The following SORCS2 variants were observed in gnomAD, a reference collection of about 807,000 sequenced individuals.
SORCS2 encodes VPS10 domain-containing receptor SorCS2.
Under a neutral mutation model 141.6 loss-of-function variants are expected in SORCS2, and 100 were observed. The observed-to-expected ratio is 0.71, with a 90% CI of 0.60 to 0.83. The LOEUF (loss-of-function observed/expected upper bound fraction) is 0.83. SORCS2 is among the 40% of genes least tolerant of loss of function. The probability of loss-of-function intolerance (pLI) is 0.00; values close to 1 mark genes in which losing one functional copy is unlikely to be tolerated. For missense variants in SORCS2, 1,646 were observed against 1,560.2 expected, an observed-to-expected ratio of 1.05 and a Z score of -0.93; for synonymous variants, 789 against 676.9, an observed-to-expected ratio of 1.17 and a Z score of -2.57.
Position 7,633,910 on chromosome 4 carries a change from A to T in SORCS2, c.649-4418A>T, listed in dbSNP as rs763694484. Reference sequence around the variant, plus strand: ...AGTTGCGTCGTAAGAACGTTTGAAAAACTGTATCATGGAAAAAGTGCTTTA... The same window carrying T: ...AGTTGCGTCGTAAGAACGTTTGAAATACTGTATCATGGAAAAAGTGCTTTA... On this transcript the variant is annotated intron_variant, in intron 3 of 26. Coordinates refer to ENST00000507866, the MANE Select transcript of SORCS2 (RefSeq NM_020777.3). Among the ~76,000 whole-genome samples, 7 of 121,112 alleles carry T rather than the reference A, an allele frequency of 5.8e-5. 1 individual carries two copies. The highest frequency in any genetic ancestry group is 1.3e-4 in the Non-Finnish European group (7 of 52,544). 79.5% of individuals were successfully genotyped at this position (121,112 alleles called of 152,430 possible).
At chr4:7,493,618 G>A (rs1487826853) in intron 2 of SORCS2, among the ~76,000 whole-genome samples, 1 of 152,158 alleles carries the variant, frequency 6.6e-6, no homozygotes, top group African/African-American at 2.4e-5. Flanking sequence ...TTACCGGCTG[G>A]CTACCCTGCT....
intron 1 of SORCS2, among the ~76,000 whole-genome samples, chr4:7,355,048 CA>C (rs1721165798): frequency 6.6e-6 from 1 of 152,102 alleles, no homozygotes; most frequent in African/African-American, 2.4e-5. Flanking sequence ...ATTTTACTGA[CA>C]ACACCCAATC....
chr4:7,214,981 C>T (rs974288097), intron 1 of SORCS2, among the ~76,000 whole-genome samples: 1 of 151,924 alleles, frequency 6.6e-6, no homozygotes, highest in South Asian at 2.1e-4. Flanking sequence ...TCCTCACGGC[C>T]CTCGCTTGCT....
chr4:7,610,452 C>T (rs2108808377), intron 3 of SORCS2, among the ~76,000 whole-genome samples: 1 of 152,328 alleles, frequency 6.6e-6, no homozygotes. Context: ...CAGGGGAGCT[C>T]TGCACGAGGC....
intron 1 of SORCS2, among the ~76,000 whole-genome samples, chr4:7,381,218 C>T (rs780752242): frequency 5.9e-5 from 9 of 152,106 alleles, no homozygotes; most frequent in Admixed American, 1.3e-4. Flanking sequence ...GCTGTTTGGT[C>T]GATGACATGA....
chr4:7,722,500 C>A (rs1297187134), intron 18 of SORCS2, among the ~76,000 whole-genome samples: 1 of 152,204 alleles, frequency 6.6e-6, no homozygotes, highest in Non-Finnish European at 1.5e-5. Flanking sequence ...TCCATTTGCA[C>A]CTCCTCCAGC....
intron 2 of SORCS2, among the ~76,000 whole-genome samples, chr4:7,492,671 C>A (rs1392213692): frequency 6.6e-6 from 1 of 152,214 alleles, no homozygotes; most frequent in Non-Finnish European, 1.5e-5. Context: ...ATGAATGAGT[C>A]CTTCCCCAGC....
chr4:7,519,206 A>C (rs11730089), intron 2 of SORCS2, among the ~76,000 whole-genome samples: 151,783 of 152,314 alleles, frequency 1, 75,629 homozygotes, highest in Non-Finnish European at 1. Context: ...ATGACCAGGG[A>C]GCTTCCAGGA....
intron 11 of SORCS2, among the ~76,000 whole-genome samples, chr4:7,692,100 G>A (rs1724295155): frequency 6.6e-6 from 1 of 152,130 alleles, no homozygotes; most frequent in African/African-American, 2.4e-5. Context: ...ATGCAAGGTG[G>A]GCCAATTGAT....
rs71173499 is a variant in SORCS2, at chr4:7,400,461, C to CCCACCACCA, written c.548+4126_548+4134dup. 1.2e-3 allele frequency among the ~76,000 whole-genome samples: 188 copies of CCCACCACCA among 151,338 alleles called. 1 individual carries two copies. The highest frequency in any genetic ancestry group is 4.3e-3 in the African/African-American group (178 of 41,158). On this transcript the variant is annotated intron_variant, in intron 2 of 26. Transcript: ENST00000507866. ...GTGGGAGTTCCTGTTTATGGTTTGC[C>CCCACCACCA]CCACCACCACCACCACCACCACCAC... is the stretch of plus-strand genomic sequence containing the variant.
At chr4:7,285,231 C>T (rs1716137282) in intron 1 of SORCS2, among the ~76,000 whole-genome samples, 1 of 152,096 alleles carries the variant, frequency 6.6e-6, no homozygotes, top group South Asian at 2.1e-4. Flanking sequence ...TGAGGTTTCA[C>T]CATGTTGGTC....
chr4:7,413,391 C>CTTTTTTTTTTTTTTTTTTTTTTTTTT lies in SORCS2; in HGVS notation c.548+17056_548+17057insTTTTTTTTTTTTTTTTTTTTTTTTTT, dbSNP rs34379092. ...ATGATCCTCCGTATTTTCACAGCTG[C>CTTTTTTTTTTTTTTTTTTTTTTTTTT]TTTTTTTTTTTTTTTTTTTTGAGAT... On this transcript the variant is annotated intron_variant, in intron 2 of 26. Transcript: ENST00000507866. Among the ~76,000 whole-genome samples, 3 of 84,822 alleles carry CTTTTTTTTTTTTTTTTTTTTTTTTTT rather than the reference C, an allele frequency of 3.5e-5. 1 individual carries two copies. Among genetic ancestry groups the CTTTTTTTTTTTTTTTTTTTTTTTTTT allele is most frequent in the Non-Finnish European group, 6.6e-5 (3 of 45,604 alleles). 55.6% of individuals were successfully genotyped at this position (84,822 alleles called of 152,430 possible).
intron 2 of SORCS2, among the ~76,000 whole-genome samples, chr4:7,491,576 ACTT>A (rs1731318154): frequency 6.6e-6 from 1 of 152,226 alleles, no homozygotes; most frequent in Non-Finnish European, 1.5e-5. Context: ...CTCTGGATTG[ACTT>A]CTTCACTTTG....
Position 7,584,704 on chromosome 4 carries a change from A to G in SORCS2, c.648+53075A>G, listed in dbSNP as rs145921032. ...CAGAGCCTAAACCACAGCGGGGCTCAGCTGGGGGGAGGTTGCATCTAAGAT... is the reference window on the plus strand; with the variant it reads ...CAGAGCCTAAACCACAGCGGGGCTCGGCTGGGGGGAGGTTGCATCTAAGAT... On this transcript the variant is annotated intron_variant, in intron 3 of 26. Transcript: ENST00000507866. Among the ~76,000 whole-genome samples, 1,522 of 152,306 alleles carry G rather than the reference A, an allele frequency of 1.0e-2. 27 individuals carry two copies. Among genetic ancestry groups the G allele is most frequent in the African/African-American group, 0.034 (1,428 of 41,564 alleles).
At chr4:7,616,254 T>G (rs1206005368) in intron 3 of SORCS2, among the ~76,000 whole-genome samples, 1 of 152,116 alleles carries the variant, frequency 6.6e-6, no homozygotes, top group Non-Finnish European at 1.5e-5. Context: ...AAAAGGTGCC[T>G]CCTCTGAGTG....
chr4:7,410,246 A>G (rs960406530), intron 2 of SORCS2, among the ~76,000 whole-genome samples: 3 of 152,254 alleles, frequency 2.0e-5, no homozygotes, highest in African/African-American at 4.8e-5. Context: ...GATAACGCTG[A>G]GAGTTCATAG....
intron 3 of SORCS2, among the ~76,000 whole-genome samples, chr4:7,631,299 G>A (rs1192416674): frequency 1.3e-5 from 2 of 151,370 alleles, no homozygotes; most frequent in East Asian, 4.0e-4. Flanking sequence ...GACCAGATGG[G>A]ATGCAGGTCA....
chr4:7,410,719 C>T (rs975153569), intron 2 of SORCS2, among the ~76,000 whole-genome samples: 5 of 152,240 alleles, frequency 3.3e-5, no homozygotes, highest in Non-Finnish European at 4.4e-5. Context: ...ACAAGAGTCA[C>T]AGCAGATAGG....
rs375221794 is a variant in SORCS2, at chr4:7,240,634, G to A, written c.480+47508G>A. ...CTGTCCTTGTTTTCTGGGCTGGGCT[G>A]TGTCTGCATGTTGAAGGGCTGTCTT... On this transcript the variant is annotated intron_variant, in intron 1 of 26. Transcript: ENST00000507866. 5.3e-4 allele frequency among the ~76,000 whole-genome samples: 80 copies of A among 152,308 alleles called. 2 individuals are homozygous for A. Among genetic ancestry groups the A allele is most frequent in the African/African-American group, 1.8e-3 (73 of 41,566 alleles).
Sources: gnomAD v4.1 joint callset for allele counts (sites outside exome capture counted in the v4.1 genomes callset) on GRCh38, gnomAD v4.1.1 for gene constraint, MANE v1.5 for transcripts, NCBI Gene and HGNC (gene_info 2026-07-23, HGNC 2026-07-21) for gene names.